GRM8: variants seen among roughly 807,000 people sequenced by gnomAD.
GRM8 encodes the protein glutamate metabotropic receptor 8.
GRM8 carries 47 observed loss-of-function variants against 87.2 expected under a neutral mutation model. The ratio of observed to expected loss-of-function variants is 0.54; its 90% confidence interval spans 0.43 to 0.69. The LOEUF (loss-of-function observed/expected upper bound fraction) is 0.69, where lower values mean the gene tolerates loss of function less well. Ranked by LOEUF, GRM8 falls within the 30% of genes least tolerant of loss-of-function variation. The pLI is 0.00. For synonymous variants in GRM8, 396 were observed against 404.5 expected, an observed-to-expected ratio of 0.98 and a Z score of 0.25; for missense variants, 1,019 against 1,139.2, an observed-to-expected ratio of 0.89 and a Z score of 1.52.
At chr7:126,723,303 A>G (rs1485066807) in intron 7 of GRM8, among the ~76,000 whole-genome samples, 1 of 151,976 alleles carries the variant, frequency 6.6e-6, no homozygotes, top group Admixed American at 6.6e-5. Flanking sequence ...TTTCACCTAT[A>G]TTTAGAAATT....
chr7:126,562,205 T>C (rs1204629032), intron 8 of GRM8, among the ~76,000 whole-genome samples: 2 of 152,144 alleles, frequency 1.3e-5, no homozygotes, highest in Admixed American at 1.3e-4. Context: ...TGGAGAGAGA[T>C]AAAGTGTCTT....
intron 2 of GRM8, among the ~76,000 whole-genome samples, chr7:127,182,673 GTGTGTGTGTA>G (rs1254381934): frequency 2.6e-4 from 26 of 100,258 alleles, no homozygotes; most frequent in Non-Finnish European, 5.2e-4. Context: ...GTGTGTGTGT[GTGTGTGTGTA>G]TAGACAGATA....
intron 9 of GRM8, among the ~76,000 whole-genome samples, chr7:126,515,143 T>C (rs1811990932): frequency 6.6e-6 from 1 of 152,092 alleles, no homozygotes; most frequent in Non-Finnish European, 1.5e-5. Context: ...GCAATGGCTA[T>C]ATCTTAATTT....
chr7:126,481,560 T>A lies in GRM8; in HGVS notation c.2431-35188A>T, dbSNP rs117378326. Reference sequence around the variant, plus strand: ...GTGTGACAATCTTCCCAACAGTATATACATTCAATCTAATCAAGAGAAAAG... The same window carrying A: ...GTGTGACAATCTTCCCAACAGTATAAACATTCAATCTAATCAAGAGAAAAG... On this transcript the variant is annotated intron_variant, in intron 9 of 10. Transcript: ENST00000339582. Among the ~76,000 whole-genome samples, 585 of 152,102 alleles carry A rather than the reference T, an allele frequency of 3.8e-3. 6 individuals carry two copies. Among genetic ancestry groups the A allele is most frequent in the Non-Finnish European group, 7.0e-3 (475 of 67,944 alleles).
intron 3 of GRM8, among the ~76,000 whole-genome samples, chr7:127,103,819 G>C (rs1217742486): frequency 1.3e-5 from 2 of 152,010 alleles, no homozygotes; most frequent in Non-Finnish European, 2.9e-5. Flanking sequence ...ATAACAGCTG[G>C]GATATCAAGG....
At chr7:126,716,965 CT>C (rs1385303568) in intron 7 of GRM8, among the ~76,000 whole-genome samples, 1 of 152,114 alleles carries the variant, frequency 6.6e-6, no homozygotes, top group Non-Finnish European at 1.5e-5. Context: ...TCCTTAAAAT[CT>C]TTTGAGGTGG....
chr7:126,515,621 C>T lies in GRM8; in HGVS notation c.2430+17331G>A, dbSNP rs186311389. Among the ~76,000 whole-genome samples the T allele has an allele frequency of 1.8e-3, 270 of 152,148 alleles. 1 individual carries two copies. Among genetic ancestry groups the T allele is most frequent in the Middle Eastern group, 0.01 (3 of 294 alleles). On this transcript the variant is annotated intron_variant, in intron 9 of 10. Transcript: ENST00000339582. ...TGCATTGCTTTTGGAGGCCTTAGAG[C>T]GGAACCTGTGTTCTCACCTTTTTCA...
intron 1 of GRM8, among the ~76,000 whole-genome samples, chr7:127,249,664 A>G (rs1324415817): frequency 6.6e-6 from 1 of 152,218 alleles, no homozygotes; most frequent in Non-Finnish European, 1.5e-5. Context: ...AAGAAAAAAG[A>G]GAGAAAGCCC....
intron 6 of GRM8, among the ~76,000 whole-genome samples, chr7:126,804,420 C>T (rs73451274): frequency 6.6e-6 from 1 of 152,154 alleles, no homozygotes; most frequent in Non-Finnish European, 1.5e-5. Context: ...TATTCTTCTG[C>T]CATAATTGGC....
At chr7:127,085,401 A>G (rs780298442) in intron 3 of GRM8, among the ~76,000 whole-genome samples, 2 of 152,244 alleles carry the variant, frequency 1.3e-5, no homozygotes, top group African/African-American at 2.4e-5. Context: ...GTCTTCCACA[A>G]TGGTTGAACT....
intron 7 of GRM8, among the ~76,000 whole-genome samples, chr7:126,750,380 A>AT (rs1323540468): frequency 1.3e-5 from 2 of 152,154 alleles, no homozygotes; most frequent in African/African-American, 2.4e-5. Flanking sequence ...GTTCTAAATC[A>AT]TAACTGCAGT....
At chr7:126,622,853 A>G (rs1800313911) in intron 7 of GRM8, among the ~76,000 whole-genome samples, 1 of 152,142 alleles carries the variant, frequency 6.6e-6, no homozygotes. Flanking sequence ...ACTCTTTGAC[A>G]CATTTTAAGT....
chr7:126,736,307 T>A (rs1312949562), intron 7 of GRM8, among the ~76,000 whole-genome samples: 2 of 152,090 alleles, frequency 1.3e-5, no homozygotes, highest in Non-Finnish European at 2.9e-5. Flanking sequence ...CTTAAGCCAT[T>A]TTTATTTTTA....
chr7:126,938,784 A>C (rs1806597381), intron 3 of GRM8, among the ~76,000 whole-genome samples: 1 of 152,214 alleles, frequency 6.6e-6, no homozygotes, highest in African/African-American at 2.4e-5. Flanking sequence ...TGAATTGATA[A>C]ATGGTTACAT....
At chr7:126,479,974 A>G (rs1182268209) in intron 9 of GRM8, among the ~76,000 whole-genome samples, 1 of 152,154 alleles carries the variant, frequency 6.6e-6, no homozygotes, top group Non-Finnish European at 1.5e-5. Flanking sequence ...CCAGAATGTG[A>G]TGGCAACCCA....
Position 127,242,908 on chromosome 7 carries a change from A to C in GRM8, c.297T>G (p.Gly99=). ...TAGAGCACGTGTCGAGGATGCGGACACCCAGAGTGATGTTGGAAAGGAGAT... is the reference window on the plus strand; with the variant it reads ...TAGAGCACGTGTCGAGGATGCGGACCCCCAGAGTGATGTTGGAAAGGAGAT... ...DPDLLSNITL[G]VRILDTCSRD... The change falls in exon 2 of 11, where the codon GGT becomes GGG. Residue 99 remains glycine, a synonymous_variant. Transcript: ENST00000339582. 5 of 1,614,120 alleles carry C rather than the reference A, an allele frequency of 3.1e-6. No homozygotes were observed. The highest frequency in any genetic ancestry group is 4.2e-6 in the Non-Finnish European group (5 of 1,179,986).
intron 3 of GRM8, among the ~76,000 whole-genome samples, chr7:126,971,417 C>T (rs1482808318): frequency 6.6e-6 from 1 of 152,106 alleles, no homozygotes; most frequent in African/African-American, 2.4e-5. Flanking sequence ...TTAAACATAT[C>T]CTATTTTATG....
intron 6 of GRM8, among the ~76,000 whole-genome samples, chr7:126,806,723 A>G (rs1192767102): frequency 6.6e-6 from 1 of 152,222 alleles, no homozygotes; most frequent in African/African-American, 2.4e-5. Flanking sequence ...TGCGGCACCT[A>G]GCCAGCCACT....
chr7:126,729,273 G>A (rs1279955722), intron 7 of GRM8, among the ~76,000 whole-genome samples: 1 of 152,110 alleles, frequency 6.6e-6, no homozygotes, highest in East Asian at 1.9e-4. Context: ...CCTGCAATCT[G>A]TAGCCAGAAA....
Sources: gnomAD v4.1 joint callset for allele counts (sites outside exome capture counted in the v4.1 genomes callset) on GRCh38, gnomAD v4.1.1 for gene constraint, MANE v1.5 for transcripts, NCBI Gene and HGNC (gene_info 2026-07-23, HGNC 2026-07-21) for gene names.